NXPE1: variants seen among roughly 807,000 people sequenced by gnomAD.
The protein encoded by NXPE1 is NXPE family member 1.
Under a neutral mutation model 33.3 loss-of-function variants are expected in NXPE1, and 31 were observed. The observed-to-expected ratio is 0.93, with a 90% confidence interval of 0.70 to 1.26. The LOEUF is 1.26. Among genes scored for constraint, NXPE1 ranks in the 50% most tolerant of loss-of-function variants. The pLI, the probability that NXPE1 is intolerant of heterozygous loss-of-function variation, is 0.00. For missense variants in NXPE1, 661 were observed against 655.6 expected (o/e 1.01, Z -0.09); for synonymous variants, 229 against 231.4 (o/e 0.99, Z 0.09).
intron 5 of NXPE1, among the ~76,000 whole-genome samples, chr11:114,541,112 T>G (rs1591288265): frequency 6.6e-6 from 1 of 152,096 alleles, no homozygotes. Flanking sequence ...TTGGGTCAGT[T>G]TGCAGTTTGA....
chr11:114,559,349 C>T (rs1948725427), intron 1 of NXPE1, among the ~76,000 whole-genome samples: 1 of 152,146 alleles, frequency 6.6e-6, no homozygotes, highest in Admixed American at 6.5e-5. Flanking sequence ...TTTTGAATTC[C>T]TGTGACATAT....
intron 5 of NXPE1, among the ~76,000 whole-genome samples, chr11:114,547,463 G>A (rs1014454357): frequency 7.2e-5 from 11 of 152,140 alleles, no homozygotes; most frequent in African/African-American, 2.2e-4. Flanking sequence ...GGCTGGGTGC[G>A]GTGGCTCACG....
intron 7 of NXPE1, among the ~76,000 whole-genome samples, chr11:114,526,122 G>A (rs941969401): frequency 6.6e-6 from 1 of 152,164 alleles, no homozygotes; most frequent in Non-Finnish European, 1.5e-5. Flanking sequence ...GAAGATAGAG[G>A]AAGAGGGCTG....
intron 6 of NXPE1, chr11:114,528,698 C>A: frequency 2.1e-6 from 1 of 470,738 alleles, no homozygotes; most frequent in East Asian, 3.0e-5. Flanking sequence ...CACTTTGTTT[C>A]AAACCTCTGT....
At chr11:114,523,797 T>C (rs952979714) in intron 7 of NXPE1, among the ~76,000 whole-genome samples, 5 of 152,186 alleles carry the variant, frequency 3.3e-5, no homozygotes, top group African/African-American at 1.2e-4. Context: ...TCCTTACCAC[T>C]CTCTATGCTG....
chr11:114,555,820 T>C (rs1484320578), intron 1 of NXPE1, among the ~76,000 whole-genome samples: 2 of 152,246 alleles, frequency 1.3e-5, no homozygotes, highest in African/African-American at 4.8e-5. Flanking sequence ...CTTATGATTA[T>C]GTTTTTGAAG....
intron 5 of NXPE1, among the ~76,000 whole-genome samples, chr11:114,533,580 C>T (rs904374088): frequency 1.3e-5 from 2 of 152,190 alleles, no homozygotes; most frequent in Admixed American, 6.5e-5. Flanking sequence ...TCGGGTCACT[C>T]CCACCCTAAT....
chr11:114,553,942 GAGC>G (rs1948588566), intron 1 of NXPE1: 1 of 985,238 alleles, frequency 1.0e-6, no homozygotes, highest in African/African-American at 1.7e-5. Flanking sequence ...TTTTCTGGGA[GAGC>G]AGGTTTGTCA....
chr11:114,538,310 T>A (rs575409639), intron 5 of NXPE1, among the ~76,000 whole-genome samples: 1 of 152,184 alleles, frequency 6.6e-6, no homozygotes, highest in Non-Finnish European at 1.5e-5. Flanking sequence ...ATGTTTGACC[T>A]AAAACCATAA....
chr11:114,534,463 G>A (rs940396969), intron 5 of NXPE1, among the ~76,000 whole-genome samples: 5 of 152,162 alleles, frequency 3.3e-5, no homozygotes, highest in Non-Finnish European at 5.9e-5. Context: ...GAGAGAGGAA[G>A]GCTTCAGAAG....
At position 114,530,928 on chromosome 11, in the gene NXPE1, G is replaced by A; in HGVS notation, c.100-20C>T. ...CCAAAGCTGAAATGACAAGGATTGT[G>A]ATATACTATGAAATTAACCTGTCTA... On this transcript the variant is annotated intron_variant, in intron 5 of 8. Transcript: ENST00000534921. The A allele has an allele frequency of 6.4e-7, 1 of 1,566,604 alleles. No individual in the cohort carries two copies. Among genetic ancestry groups the A allele is most frequent in the Non-Finnish European group, 8.6e-7 (1 of 1,160,898 alleles).
chr11:114,527,966 C>T, intron 6 of NXPE1, 65 bp from the exon 7 acceptor site: 1 of 1,275,218 alleles, frequency 7.8e-7, no homozygotes, highest in African/African-American at 1.5e-5. Context: ...GGTGAATCAT[C>T]TGCTTGTGAG....
chr11:114,540,132 T>C lies in NXPE1; in HGVS notation c.100-9224A>G, dbSNP rs998544564. Among the ~76,000 whole-genome samples, 12 of 152,308 alleles carry C rather than the reference T, an allele frequency of 7.9e-5. No homozygotes were observed. In the East Asian group the frequency reaches 9.7e-4, roughly 12 times the overall value. ...CATCATGCCTGACTAATTTTTTCTA[T>C]TTTTAGTAGAGATGGGGTTTCACCA... is the stretch of plus-strand genomic sequence containing the variant. On this transcript the variant is annotated intron_variant, in intron 5 of 8. Coordinates refer to ENST00000534921, the Ensembl canonical transcript of NXPE1.
chr11:114,545,192 A>G (rs1948232104), intron 5 of NXPE1, among the ~76,000 whole-genome samples: 1 of 152,240 alleles, frequency 6.6e-6, no homozygotes, highest in Admixed American at 6.5e-5. Context: ...TTACCATTCA[A>G]TATAGCAGTT....
chr11:114,541,628 A>G (rs182193773), intron 5 of NXPE1, among the ~76,000 whole-genome samples: 2 of 152,318 alleles, frequency 1.3e-5, no homozygotes, highest in African/African-American at 4.8e-5. Context: ...CATTTGAAAA[A>G]TACATTGGTT....
intron 5 of NXPE1, among the ~76,000 whole-genome samples, chr11:114,541,937 G>T (rs1271073602): frequency 2.6e-5 from 4 of 152,128 alleles, no homozygotes; most frequent in Non-Finnish European, 5.9e-5. Context: ...ATTGTGTTTA[G>T]ACCTTATCTC....
chr11:114,528,852 G>A, intron 6 of NXPE1: 2 of 665,386 alleles, frequency 3.0e-6, no homozygotes, highest in East Asian at 5.4e-5. Context: ...GAAAGGATCA[G>A]CATGTTTTCA....
intron 5 of NXPE1, among the ~76,000 whole-genome samples, chr11:114,539,908 C>G (rs1475521924): frequency 6.6e-6 from 1 of 151,826 alleles, no homozygotes; most frequent in Non-Finnish European, 1.5e-5. Flanking sequence ...GAAAAAAACC[C>G]AAAGATTCCT....
chr11:114,528,864 C>T, intron 6 of NXPE1: 1 of 650,792 alleles, frequency 1.5e-6, no homozygotes, highest in South Asian at 1.7e-5. Context: ...ATGTTTTCAT[C>T]CTTACTAGGA....
Sources: allele counts gnomAD v4.1 joint callset (sites outside exome capture counted in the v4.1 genomes callset), GRCh38; gene constraint gnomAD v4.1.1; transcripts MANE v1.5; gene names NCBI Gene and HGNC (gene_info 2026-07-23, HGNC 2026-07-21).